LRRC75A: variants seen among roughly 807,000 people sequenced by gnomAD.
The protein encoded by LRRC75A is leucine-rich repeat-containing protein 75A.
In LRRC75A, 12 loss-of-function variants were observed where a neutral mutation model predicts 26.0. That is an observed-to-expected ratio of 0.46 (90% CI 0.30 to 0.75). The LOEUF is 0.75. LRRC75A is among the 30% of genes least tolerant of loss of function. LRRC75A has a pLI of 0.08. For synonymous variants in LRRC75A, 223 were observed against 219.3 expected, an observed-to-expected ratio of 1.02 and a Z score of -0.15; for missense variants, 410 against 486.6, an observed-to-expected ratio of 0.84 and a Z score of 1.48.
In LRRC75A at chr17:16,457,644, AATG is replaced by A. The variant is rs200561813; in HGVS notation, c.375+4611_375+4613del. On this transcript the variant is annotated intron_variant, in intron 2 of 3. Transcript: ENST00000470794. ...TCATTAGAACCAATAGAATGGTGGA[AATG>A]ATGGTTTGTGACTTCTGAGACTGGG... Among the ~76,000 whole-genome samples, 1,097 of 152,168 alleles carry A rather than the reference AATG, an allele frequency of 7.2e-3. 12 individuals are homozygous for A. Among genetic ancestry groups the A allele is most frequent in the African/African-American group, 0.022 (901 of 41,510 alleles).
chr17:16,484,241 CAGG>C (rs1421050017), intron 1 of LRRC75A, among the ~76,000 whole-genome samples: 1 of 152,118 alleles, frequency 6.6e-6, no homozygotes. Context: ...GAGGCTGAGG[CAGG>C]AGAATTGCTT....
chr17:16,482,183 T>TGGGGCTCC (rs2143416322), intron 1 of LRRC75A, among the ~76,000 whole-genome samples: 1 of 152,174 alleles, frequency 6.6e-6, no homozygotes, highest in African/African-American at 2.4e-5. Flanking sequence ...AGACAGAAAC[T>TGGGGCTCC]AAGGGCAGTG....
chr17:16,472,368 G>A (rs1267435616), intron 1 of LRRC75A, among the ~76,000 whole-genome samples: 1 of 152,194 alleles, frequency 6.6e-6, no homozygotes, highest in Non-Finnish European at 1.5e-5. Flanking sequence ...ACAAAGCTGC[G>A]TGGATGGCGG....
chr17:16,475,768 T>C (rs911158582), intron 1 of LRRC75A, among the ~76,000 whole-genome samples: 1 of 152,136 alleles, frequency 6.6e-6, no homozygotes, highest in African/African-American at 2.4e-5. Flanking sequence ...AGAAACGGGC[T>C]GAGCACGGTG....
At chr17:16,460,628 C>T (rs2093720769) in intron 2 of LRRC75A, among the ~76,000 whole-genome samples, 2 of 152,268 alleles carry the variant, frequency 1.3e-5, no homozygotes, top group South Asian at 2.1e-4. Context: ...GGCTCTGGGT[C>T]ACTGCATAGG....
In LRRC75A at chr17:16,491,706, T is replaced by C. The variant is rs1353793997; in HGVS notation, c.246+39A>G. 3.3e-6 allele frequency: 3 copies of C among 919,436 alleles called. No homozygotes were observed. Among genetic ancestry groups the C allele is most frequent in the Non-Finnish European group, 4.3e-6 (3 of 704,380 alleles). 57.0% of individuals were successfully genotyped at this position (919,436 alleles called of 1,614,324 possible). ...GCCCCCCCCGGCCCAGCACGCCCCC[T>C]GGCCCGGCGCGCCCCCCGCGCCCCC... is the stretch of plus-strand genomic sequence containing the variant. On this transcript the variant is annotated intron_variant, in intron 1 of 3. Transcript: ENST00000470794. This position sits in a 1 kb window ranked among gnomAD's most constrained non-coding sequence, Gnocchi z 5.9.
chr17:16,456,483 G>A (rs973809229), intron 2 of LRRC75A, among the ~76,000 whole-genome samples: 1 of 151,488 alleles, frequency 6.6e-6, no homozygotes, highest in African/African-American at 2.4e-5. Flanking sequence ...AAGAAGAGGA[G>A]GAGGAAGAGG....
chr17:16,452,945 T>C (rs1048682326), intron 2 of LRRC75A, among the ~76,000 whole-genome samples: 1 of 152,032 alleles, frequency 6.6e-6, no homozygotes, highest in African/African-American at 2.4e-5. Flanking sequence ...TTCCAAAATC[T>C]GGGGCCAAAA....
chr17:16,454,948 G>C (rs566052387), intron 2 of LRRC75A, among the ~76,000 whole-genome samples: 1 of 148,180 alleles, frequency 6.7e-6, no homozygotes, highest in African/African-American at 2.5e-5. Flanking sequence ...TTTTTTTAGT[G>C]ACGGAGTCTT....
rs1240422131 is a variant in LRRC75A, at chr17:16,491,787, G to A, written c.204C>T (p.Gly68=). Residue 68 remains glycine (G), a synonymous_variant, in exon 1 of 4, where the codon GGC becomes GGT. Coordinates refer to ENST00000470794, the MANE Select transcript of LRRC75A (RefSeq NM_001113567.3). This position sits in a 1 kb window ranked among gnomAD's most constrained non-coding sequence, Gnocchi z 5.9. ...GCAGCGTCCCCGCCTCCTCCCGCCGGCCCTGGCGCACCATCCGCAGCAGCT... is the reference window on the plus strand; with the variant it reads ...GCAGCGTCCCCGCCTCCTCCCGCCGACCCTGGCGCACCATCCGCAGCAGCT... The part of the protein sequence containing the change: ...VQELLRMVRQ[G]RREEAGTLLQ... 7.0e-7 allele frequency: 1 copy of A among 1,433,486 alleles called. No individual in the cohort carries two copies. The highest frequency in any genetic ancestry group is 9.1e-7 in the Non-Finnish European group (1 of 1,094,466). The allele number at this position is 1,433,486 out of a possible 1,614,324, so 88.8% of individuals were successfully genotyped here.
chr17:16,466,464 G>A (rs936177838), intron 1 of LRRC75A, among the ~76,000 whole-genome samples: 3 of 152,332 alleles, frequency 2.0e-5, no homozygotes, highest in Admixed American at 6.5e-5. Context: ...GGAGGGGCTG[G>A]TTTGTCTTAA....
intron 1 of LRRC75A, among the ~76,000 whole-genome samples, chr17:16,484,354 A>G (rs532983339): frequency 7.1e-5 from 10 of 140,118 alleles, no homozygotes; most frequent in Non-Finnish European, 1.6e-4. Context: ...CAAACAAACA[A>G]ACAAACAAAA....
rs1339013789 is a variant in LRRC75A at position 16,483,980 on chromosome 17, T to A, written c.246+7765A>T. Among the ~76,000 whole-genome samples, 4 of 152,240 alleles carry A rather than the reference T, an allele frequency of 2.6e-5. No individual in the cohort carries two copies. The South Asian group carries it at 8.3e-4, about 32-fold the overall frequency. On this transcript the variant is annotated intron_variant, in intron 1 of 3. Transcript: ENST00000470794. ...TTCTCATTTTTCTATAATTGTATATTGCTTTTATAATATTTTAAAAACCAC... is the reference window on the plus strand; with the variant it reads ...TTCTCATTTTTCTATAATTGTATATAGCTTTTATAATATTTTAAAAACCAC...
intron 2 of LRRC75A, among the ~76,000 whole-genome samples, chr17:16,457,303 G>A (rs929966326): frequency 2.0e-5 from 3 of 152,300 alleles, no homozygotes; most frequent in Admixed American, 6.5e-5. Flanking sequence ...TGCAGAGACT[G>A]TGTGCCGGCT....
chr17:16,441,742 G>C lies in LRRC75A; in HGVS notation c.*1846C>G, dbSNP rs1290732589. ...ACCTGGCTAAAATTTTTTTTTTGTTGAGACGGATTCTCTATGTTGCCCAGG... is the reference window on the plus strand; with the variant it reads ...ACCTGGCTAAAATTTTTTTTTTGTTCAGACGGATTCTCTATGTTGCCCAGG... On this transcript the variant is annotated 3_prime_UTR_variant, in exon 4 of 4. Coordinates refer to ENST00000470794, the MANE Select transcript of LRRC75A (RefSeq NM_001113567.3). The C allele has an allele frequency of 4.1e-6, 1 of 240,996 alleles. No homozygotes were observed. Among genetic ancestry groups the C allele is most frequent in the African/African-American group, 2.3e-5 (1 of 43,304 alleles). 14.9% of individuals were successfully genotyped at this position (240,996 alleles called of 1,614,324 possible).
At chr17:16,469,933 G>A (rs1314699020) in intron 1 of LRRC75A, among the ~76,000 whole-genome samples, 1 of 152,142 alleles carries the variant, frequency 6.6e-6, no homozygotes, top group Non-Finnish European at 1.5e-5. Flanking sequence ...CAGTTGCCTG[G>A]CTTTCTGATT....
At chr17:16,466,913 G>A (rs1023362216) in intron 1 of LRRC75A, among the ~76,000 whole-genome samples, 1 of 152,182 alleles carries the variant, frequency 6.6e-6, no homozygotes, top group Non-Finnish European at 1.5e-5. Context: ...TTTTAGGGGT[G>A]CTGTGGGGAC....
chr17:16,451,633 T>A (rs11871718), intron 2 of LRRC75A, among the ~76,000 whole-genome samples: 13,976 of 45,466 alleles, frequency 0.31, 1,167 homozygotes, highest in African/African-American at 0.48. Context: ...AAAAAAAAAA[T>A]AATAATAATA....
At chr17:16,445,005 C>T (rs1279632550) in intron 3 of LRRC75A, among the ~76,000 whole-genome samples, 3 of 151,520 alleles carry the variant, frequency 2.0e-5, no homozygotes, top group East Asian at 1.9e-4. Flanking sequence ...TCTGCCACCA[C>T]GCCTGGCTAA....
Sources: allele counts gnomAD v4.1 joint callset (sites outside exome capture counted in the v4.1 genomes callset), GRCh38; gene constraint gnomAD v4.1.1; non-coding constraint Gnocchi (gnomAD v3.1); transcripts MANE v1.5; gene names NCBI Gene and HGNC (gene_info 2026-07-23, HGNC 2026-07-21).